The following RELCH variants were observed in gnomAD, a reference collection of about 807,000 sequenced individuals.
RELCH encodes the protein RAB11-binding protein RELCH.
Under a neutral mutation model 150.3 loss-of-function variants are expected in RELCH, and 41 were observed. The observed-to-expected ratio is 0.27, with a 90% CI of 0.21 to 0.35. RELCH has a LOEUF of 0.35. Ranked by LOEUF, RELCH falls within the 10% of genes least tolerant of loss-of-function variation. The pLI, the probability that RELCH is intolerant of heterozygous loss-of-function variation, is 1.00. For missense variants in RELCH, 1,092 were observed against 1,467.8 expected, an observed-to-expected ratio of 0.74 and a Z score of 4.18; for synonymous variants, 478 against 531.8, an observed-to-expected ratio of 0.90 and a Z score of 1.39.
chr18:62,198,028 A>G (rs2039164880), intron 1 of RELCH, among the ~76,000 whole-genome samples: 1 of 152,208 alleles, frequency 6.6e-6, no homozygotes, highest in Admixed American at 6.5e-5. Context: ...GCCAGATAGT[A>G]CAAAATTGAT....
Position 62,198,109 on chromosome 18 carries a change from C to T in RELCH, c.526+10078C>T, listed in dbSNP as rs187642887. 2.9e-3 allele frequency among the ~76,000 whole-genome samples: 443 copies of T among 152,262 alleles called. 1 individual carries two copies. The highest frequency in any genetic ancestry group is 9.5e-3 in the African/African-American group (397 of 41,572). Reference sequence around the variant, plus strand: ...TCACAGATGAATAATCTGCCTAAAGCATCACTTCATTTCATCAAGGCGCCC... The same window carrying T: ...TCACAGATGAATAATCTGCCTAAAGTATCACTTCATTTCATCAAGGCGCCC... On this transcript the variant is annotated intron_variant, in intron 1 of 28. Transcript: ENST00000644646.
At chr18:62,282,624 T>TAAAC (rs2044578715) in intron 25 of RELCH, among the ~76,000 whole-genome samples, 180 bp downstream of exon 25, 4 of 152,270 alleles carry the variant, frequency 2.6e-5, no homozygotes, top group Admixed American at 2.0e-4. Context: ...AGTTAGTTAT[T>TAAAC]GTGAATTAAT....
At chr18:62,227,240 A>G (rs1279877337) in intron 5 of RELCH, 49 bp from the exon 6 acceptor site, 1 of 1,252,978 alleles carries the variant, frequency 8.0e-7, no homozygotes, top group Non-Finnish European at 1.1e-6. Flanking sequence ...TCAAAAATGT[A>G]AGATAAAATT....
chr18:62,292,119 T>C (rs2045175772), intron 27 of RELCH, among the ~76,000 whole-genome samples: 1 of 152,172 alleles, frequency 6.6e-6, no homozygotes, highest in Admixed American at 6.5e-5. Flanking sequence ...CACTCCTAAA[T>C]AGCAAAACCT....
At chr18:62,264,925 G>A (rs1568402560) in intron 18 of RELCH, 73 bp downstream of exon 18, 3 of 1,170,022 alleles carry the variant, frequency 2.6e-6, no homozygotes, top group East Asian at 4.9e-5. Context: ...CTGTAACAGG[G>A]TAAATAAAAG....
rs2045834625 is a variant in RELCH at position 62,305,176 on chromosome 18, A to G, written c.3531-238A>G. Among the ~76,000 whole-genome samples, 1 of 152,198 alleles carries G rather than the reference A, an allele frequency of 6.6e-6. No homozygotes were observed. ...TTACCCGAGCTGGTAAACAGAGCCA[A>G]GATTCAGTCCAGTCCCAGACTTGTT... On this transcript the variant is annotated intron_variant, in intron 28 of 28. Transcript: ENST00000644646. The surrounding 1 kb of genome is among the most constrained non-coding windows in gnomAD (Gnocchi z 4.0).
intron 28 of RELCH, chr18:62,300,122 T>C (rs2045598908): frequency 6.6e-6 from 1 of 152,238 alleles, no homozygotes; most frequent in Admixed American, 6.5e-5. Flanking sequence ...AATTTACTTA[T>C]TGAAGAAACT....
chr18:62,235,600 G>A (rs1465839369), intron 10 of RELCH, among the ~76,000 whole-genome samples: 1 of 151,860 alleles, frequency 6.6e-6, no homozygotes, highest in Non-Finnish European at 1.5e-5. Context: ...ATGTCTTTTT[G>A]TTTTAGATCT....
intron 18 of RELCH, among the ~76,000 whole-genome samples, chr18:62,266,338 CA>C (rs1190200547): frequency 6.6e-6 from 1 of 151,770 alleles, no homozygotes; most frequent in Non-Finnish European, 1.5e-5. Flanking sequence ...TAATTCTAAC[CA>C]TGTAATATCT....
At chr18:62,276,756 C>T (rs537023393) in intron 22 of RELCH, among the ~76,000 whole-genome samples, 1 of 152,150 alleles carries the variant, frequency 6.6e-6, no homozygotes, top group African/African-American at 2.4e-5. Context: ...GTTGAAAATT[C>T]TCCATCCATG....
chr18:62,237,679 ATAAAG>A (rs554865637), intron 10 of RELCH, among the ~76,000 whole-genome samples: 56 of 151,970 alleles, frequency 3.7e-4, no homozygotes, highest in South Asian at 2.9e-3. Flanking sequence ...TTTACAAAAC[ATAAAG>A]TAAAGACAAG....
intron 2 of RELCH, among the ~76,000 whole-genome samples, chr18:62,219,326 T>C (rs12968647): frequency 1.2e-4 from 3 of 24,714 alleles, no homozygotes; most frequent in Non-Finnish European, 2.2e-4. Context: ...TCTTTTTTTC[T>C]TTTTTTTTTT....
intron 5 of RELCH, among the ~76,000 whole-genome samples, chr18:62,221,874 T>A (rs2040896282): frequency 6.6e-6 from 1 of 151,942 alleles, no homozygotes; most frequent in Non-Finnish European, 1.5e-5. Flanking sequence ...CTGTAACAAT[T>A]AAGATGTTAG....
In RELCH at chr18:62,291,631, G is replaced by A; in HGVS notation, c.3459G>A (p.Glu1153=). 1 of 1,595,048 alleles carries A rather than the reference G, an allele frequency of 6.3e-7. No individual in the cohort carries two copies. The highest frequency in any genetic ancestry group is 1.3e-5 in the African/African-American group (1 of 74,288). ...TDMEHLSPEH[E]VILSSMIKEC... ...TGGAACATCTCTCTCCAGAGCATGA[G>A]GTGAGCCACTGTGATTACCAGTGCC... The change falls in exon 27 of 29, where the codon GAG becomes GAA. Residue 1153 remains glutamate, a splice_region_variant and synonymous_variant. Transcript: ENST00000644646.
chr18:62,206,492 TG>T (rs1012976853), intron 1 of RELCH, among the ~76,000 whole-genome samples: 25 of 152,340 alleles, frequency 1.6e-4, no homozygotes, highest in Admixed American at 1.1e-3. Flanking sequence ...TAAAAGGTGA[TG>T]GGGGAGCCCA....
chr18:62,193,121 C>G (rs1211777361), intron 1 of RELCH, among the ~76,000 whole-genome samples: 1 of 152,144 alleles, frequency 6.6e-6, no homozygotes, highest in Admixed American at 6.5e-5. Flanking sequence ...ATTTTATTCT[C>G]TTCATAGCAT....
At chr18:62,232,556 T>A in intron 10 of RELCH, 129 bp downstream of exon 10, 1 of 617,256 alleles carries the variant, frequency 1.6e-6, no homozygotes, top group Non-Finnish European at 2.9e-6. Flanking sequence ...CTTACTTTTG[T>A]GCATGCATCT....
chr18:62,290,591 A>G (rs2045068927), intron 26 of RELCH, among the ~76,000 whole-genome samples: 1 of 152,204 alleles, frequency 6.6e-6, no homozygotes, highest in East Asian at 1.9e-4. Flanking sequence ...GTGATATTAA[A>G]TAGGAGCTAG....
chr18:62,292,106 C>G (rs2045175344), intron 27 of RELCH, among the ~76,000 whole-genome samples: 2 of 152,070 alleles, frequency 1.3e-5, no homozygotes, highest in Non-Finnish European at 2.9e-5. Context: ...ATGTTTGACT[C>G]TCCACTCCTA....
Sources: gnomAD v4.1 joint callset for allele counts (sites outside exome capture counted in the v4.1 genomes callset) on GRCh38, gnomAD v4.1.1 for gene constraint, Gnocchi (gnomAD v3.1) non-coding constraint, MANE v1.5 for transcripts, NCBI Gene and HGNC (gene_info 2026-07-23, HGNC 2026-07-21) for gene names.